Variants in CSMD1 observed in about 807,000 individuals in gnomAD.
CSMD1 encodes the protein CUB and sushi domain-containing protein 1.
CSMD1 carries 213 observed loss-of-function variants against 417.5 expected under a neutral mutation model. That is an observed-to-expected ratio of 0.51 (90% CI 0.46 to 0.57). The LOEUF (loss-of-function observed/expected upper bound fraction) is 0.57. Among genes scored for constraint, CSMD1 ranks in the 20% least tolerant of loss-of-function variants. The probability of loss-of-function intolerance (pLI) is 0.00; values close to 1 mark genes in which losing one functional copy is unlikely to be tolerated. For missense variants in CSMD1, 6,923 were observed against 4,529.7 expected (o/e 1.53, Z -15.17); for synonymous variants, 2,862 against 1,736.8 (o/e 1.65, Z -16.11).
chr8:4,180,093 C>G (rs1470085561), intron 3 of CSMD1, among the ~76,000 whole-genome samples: 1 of 152,012 alleles, frequency 6.6e-6, no homozygotes, highest in African/African-American at 2.4e-5. Flanking sequence ...TACCCAAAGA[C>G]TATAAATCAT....
At chr8:3,747,271 A>T (rs1210965644) in intron 6 of CSMD1, among the ~76,000 whole-genome samples, 1 of 152,090 alleles carries the variant, frequency 6.6e-6, no homozygotes, top group African/African-American at 2.4e-5. Flanking sequence ...CAATAACCCC[A>T]TGCCATCCAG....
At chr8:4,171,897 G>A (rs1797784056) in intron 3 of CSMD1, among the ~76,000 whole-genome samples, 1 of 152,048 alleles carries the variant, frequency 6.6e-6, no homozygotes, top group African/African-American at 2.4e-5. Flanking sequence ...GCAATTGTCT[G>A]CATGTTTTTA....
chr8:4,400,769 T>TC (rs1804591235), intron 3 of CSMD1, among the ~76,000 whole-genome samples: 1 of 151,906 alleles, frequency 6.6e-6, no homozygotes, highest in Non-Finnish European at 1.5e-5. Flanking sequence ...CAGTTTTTTT[T>TC]TTTTTTTCCT....
At chr8:3,571,208 T>C (rs1245483834) in intron 10 of CSMD1, among the ~76,000 whole-genome samples, 1 of 152,172 alleles carries the variant, frequency 6.6e-6, no homozygotes, top group Admixed American at 6.5e-5. Context: ...TATATTCTGC[T>C]TTCTGCATGC....
At chr8:3,837,579 C>G (rs1473600421) in intron 5 of CSMD1, among the ~76,000 whole-genome samples, 2 of 152,110 alleles carry the variant, frequency 1.3e-5, no homozygotes, top group Non-Finnish European at 2.9e-5. Flanking sequence ...CTTGAAATGA[C>G]TGACAAGTAA....
intron 5 of CSMD1, among the ~76,000 whole-genome samples, chr8:3,856,094 G>A (rs954771378): frequency 1.3e-5 from 2 of 151,904 alleles, no homozygotes; most frequent in African/African-American, 2.4e-5. Context: ...CCTAAATCTC[G>A]TATTAAAATG....
intron 3 of CSMD1, among the ~76,000 whole-genome samples, chr8:4,191,571 T>C (rs1584993315): frequency 6.6e-6 from 1 of 152,128 alleles, no homozygotes; most frequent in African/African-American, 2.4e-5. Flanking sequence ...TTGTACTTCA[T>C]CCATGAATCA....
intron 53 of CSMD1, among the ~76,000 whole-genome samples, chr8:2,999,539 C>T (rs973019347): frequency 3.3e-5 from 5 of 152,118 alleles, no homozygotes; most frequent in African/African-American, 9.7e-5. Context: ...GTATGCAACA[C>T]GGATGAGGCA....
chr8:4,843,271 C>G (rs531079775), intron 1 of CSMD1, among the ~76,000 whole-genome samples: 1 of 152,240 alleles, frequency 6.6e-6, no homozygotes, highest in East Asian at 1.9e-4. Flanking sequence ...CCAAAAACAT[C>G]CCATCTATGG....
intron 1 of CSMD1, among the ~76,000 whole-genome samples, chr8:4,664,375 C>A (rs1407373788): frequency 6.6e-6 from 1 of 152,084 alleles, no homozygotes; most frequent in East Asian, 1.9e-4. Flanking sequence ...GCCTGGGCAA[C>A]ATGGTGAAAC....
At chr8:4,159,939 G>C (rs372567117) in intron 3 of CSMD1, among the ~76,000 whole-genome samples, 1 of 152,038 alleles carries the variant, frequency 6.6e-6, no homozygotes, top group Admixed American at 6.6e-5. Flanking sequence ...GGCCTTGAGG[G>C]GAAAGGGTGG....
intron 3 of CSMD1, among the ~76,000 whole-genome samples, chr8:4,196,568 A>G (rs1028492015): frequency 1.3e-5 from 2 of 152,144 alleles, no homozygotes; most frequent in Admixed American, 1.3e-4. Flanking sequence ...TTTAGCCTCA[A>G]AAGACTACCA....
chr8:4,282,328 A>G (rs1370202527), intron 3 of CSMD1, among the ~76,000 whole-genome samples: 15 of 152,198 alleles, frequency 9.9e-5, no homozygotes, highest in Non-Finnish European at 1.9e-4. Context: ...CCAAGGGTCA[A>G]GATCATAACA....
chr8:4,913,971 T>A (rs1417366939), intron 1 of CSMD1, among the ~76,000 whole-genome samples: 1 of 152,232 alleles, frequency 6.6e-6, no homozygotes, highest in Non-Finnish European at 1.5e-5. Flanking sequence ...CAATTAAGAT[T>A]TTAAACTATA....
intron 3 of CSMD1, among the ~76,000 whole-genome samples, chr8:4,080,785 C>A (rs1018436639): frequency 6.6e-6 from 1 of 152,120 alleles, no homozygotes; most frequent in African/African-American, 2.4e-5. Context: ...AATTACCACA[C>A]CCCTCTCTAA....
At chr8:3,387,136 G>A (rs935316476) in intron 18 of CSMD1, among the ~76,000 whole-genome samples, 1 of 152,162 alleles carries the variant, frequency 6.6e-6, no homozygotes, top group Non-Finnish European at 1.5e-5. Flanking sequence ...TGAGACACTG[G>A]GACGTATGTC....
At chr8:4,915,082 G>C (rs938512159) in intron 1 of CSMD1, among the ~76,000 whole-genome samples, 1 of 152,180 alleles carries the variant, frequency 6.6e-6, no homozygotes, top group African/African-American at 2.4e-5. Context: ...CGGTTTCTCA[G>C]ATGTAATATG....
intron 2 of CSMD1, among the ~76,000 whole-genome samples, chr8:4,452,509 T>A (rs909945719): frequency 2.6e-5 from 4 of 152,194 alleles, no homozygotes; most frequent in African/African-American, 9.7e-5. Context: ...ACAGCTTTAA[T>A]TTTAGTTCAT....
chr8:4,857,143 G>C (rs1801850233), intron 1 of CSMD1, among the ~76,000 whole-genome samples: 1 of 151,096 alleles, frequency 6.6e-6, no homozygotes, highest in South Asian at 2.1e-4. Flanking sequence ...CATGGAAACT[G>C]AACAACCTGC....
Sources: gnomAD v4.1 joint callset for allele counts (sites outside exome capture counted in the v4.1 genomes callset) on GRCh38, gnomAD v4.1.1 for gene constraint, MANE v1.5 for transcripts, NCBI Gene and HGNC (gene_info 2026-07-23, HGNC 2026-07-21) for gene names.